The following MUC4 variants were observed in gnomAD, a reference collection of about 807,000 sequenced individuals.
MUC4 encodes mucin-4.
In MUC4, 202 loss-of-function variants were observed where a neutral mutation model predicts 257.9. The ratio of observed to expected loss-of-function variants is 0.78; its 90% CI spans 0.70 to 0.88. MUC4 has a LOEUF of 0.88. Ranked by LOEUF, MUC4 falls within the 40% of genes least tolerant of loss-of-function variation. The probability of loss-of-function intolerance (pLI) is 0.00; values close to 1 mark genes in which losing one functional copy is unlikely to be tolerated. For missense variants in MUC4, 5,976 were observed against 6,513.7 expected, an observed-to-expected ratio of 0.92 and a Z score of 2.84; for synonymous variants, 2,351 against 2,757.1, an observed-to-expected ratio of 0.85 and a Z score of 4.62.
chr3:195,796,783 A>C (rs906456066), intron 1 of MUC4, among the ~76,000 whole-genome samples: 7 of 152,246 alleles, frequency 4.6e-5, no homozygotes, highest in African/African-American at 1.7e-4. Context: ...AGGAACAGGT[A>C]ATTTCAATTC....
rs150394536 is a variant in MUC4 at position 195,779,374 on chromosome 3, C to T, written c.12206G>A (p.Ser4069Asn). The part of the protein sequence containing the change: ...TGHATPLHVT[S>N]PSSASRGDTS... ...GTCACCTCTGGATGCTGAGGAAGGG[C>T]TGGTGACATGAAGAGGGGTGGCGTG... Residue 4069 changes from serine to asparagine, a missense_variant, in exon 2 of 25, where the codon AGC becomes AAC. Ser to Asn is a conservative substitution (Grantham distance 46). Coordinates refer to ENST00000463781, the MANE Select transcript of MUC4 (RefSeq NM_018406.7). The T allele has an allele frequency of 1.2e-3, 1,030 of 866,842 alleles. 350 individuals carry two copies. The highest frequency in any genetic ancestry group is 4.0e-3 in the South Asian group (224 of 55,996). The allele number at this position is 866,842 out of a possible 1,614,324, so 53.7% of individuals were successfully genotyped here. A position where few individuals can be genotyped will look rare whatever the true frequency, so the allele number is the denominator to read the frequency against.
chr3:195,780,833 T>A lies in MUC4; in HGVS notation c.10747A>T (p.Thr3583Ser). The A allele has an allele frequency of 7.6e-7, 1 of 1,318,360 alleles. No homozygotes were observed. The highest frequency in any genetic ancestry group is 2.6e-5 in the East Asian group (1 of 38,774). The allele number at this position is 1,318,360 out of a possible 1,614,324, so 81.7% of individuals were successfully genotyped here. A position where few individuals can be genotyped will look rare whatever the true frequency, so the allele number is the denominator to read the frequency against. The change falls in exon 2 of 25, where the codon ACC becomes TCC. Residue 3583 changes from threonine to serine, a missense_variant. This residue lies in a region of MUC4 where 59 missense variants were observed against 149.8 expected (regional missense o/e 0.39). Coordinates refer to ENST00000463781, the MANE Select transcript of MUC4 (RefSeq NM_018406.7). ...SLSSVSTGDT[T>S]PLLVTDASSV... ...GAAGCGTCGGTGACAAGAAGAGGGG[T>A]GGTGTCACCTGTGGATACTGAGGAA...
rs758560161 is a variant in MUC4 at position 195,786,678 on chromosome 3, A to T, written c.4902T>A (p.Pro1634=). 6.5e-7 allele frequency: 1 copy of T among 1,537,604 alleles called. No individual in the cohort carries two copies. Among genetic ancestry groups the T allele is most frequent in the Non-Finnish European group, 8.8e-7 (1 of 1,138,472 alleles). The change falls in exon 2 of 25, where the codon CCT becomes CCA. Residue 1634 remains proline (P), a synonymous_variant. Coordinates refer to ENST00000463781, the MANE Select transcript of MUC4 (RefSeq NM_018406.7). ...TGGATAATGAGGAAGCATTGGTGAC[A>T]GGAAGAGGGGTGGTGTCACCTGTGG... ...SASTGDTTPL[P]VTNASSLSTG...
At chr3:195,792,803 GA>G (rs1297291700) in intron 1 of MUC4, among the ~76,000 whole-genome samples, 1 of 152,218 alleles carries the variant, frequency 6.6e-6, no homozygotes, top group Non-Finnish European at 1.5e-5. Flanking sequence ...ATGCAGCCAT[GA>G]AAAAGGAATG....
Position 195,766,677 on chromosome 3 carries a change from A to C in MUC4, c.13604T>G (p.Leu4535Arg), listed in dbSNP as rs112080314. 6.2e-7 allele frequency: 1 copy of C among 1,614,186 alleles called. No homozygotes were observed. The highest frequency in any genetic ancestry group is 1.1e-5 in the South Asian group (1 of 91,084). The change falls in exon 8 of 25, where the codon CTG (leucine) becomes CGG (arginine). Residue 4535 changes from leucine (L) to arginine (R), a missense_variant. Physicochemically the swap from Leu to Arg is moderately radical, Grantham distance 102 (BLOSUM62 -2). Coordinates refer to ENST00000463781, the MANE Select transcript of MUC4 (RefSeq NM_018406.7). Reference protein sequence around the residue: ...VWERYRPDRFLNSNSGLQGLQ... With the variant: ...VWERYRPDRFRNSNSGLQGLQ... ...GGCACTTTTACCTGAGTTGGAATTC[A>C]GGAATCTATCAGGGCGATACCTCTC...
rs1319704104 is a variant in MUC4, at chr3:195,757,231, C to A, written c.15084G>T (p.Gln5028His). The change falls in exon 18 of 25, where the codon CAG (glutamine) becomes CAT (histidine). Residue 5028 changes from glutamine to histidine, a missense_variant. Transcript: ENST00000463781. This position sits in a 1 kb window ranked among gnomAD's most constrained non-coding sequence, Gnocchi z 4.8. ...SAKIGLASALQPRTVVCHCNA... is the reference protein window; with the variant it reads ...SAKIGLASALHPRTVVCHCNA... Reference sequence around the variant, plus strand: ...TGCAATGGCAGACCACAGTCCTGGGCTGGAGTGCAGATGCCAAGCCAATCT... The same window carrying A: ...TGCAATGGCAGACCACAGTCCTGGGATGGAGTGCAGATGCCAAGCCAATCT... 1 of 1,613,778 alleles carries A rather than the reference C, an allele frequency of 6.2e-7. No homozygotes were observed.
intron 12 of MUC4, 145 bp downstream of exon 12, chr3:195,763,288 G>A (rs549358614): frequency 2.4e-6 from 2 of 850,686 alleles, no homozygotes; most frequent in South Asian, 2.4e-5. Context: ...GATTTACTCC[G>A]GGACAGCTGC....
chr3:195,748,434 C>A (rs1479752991), intron 24 of MUC4, among the ~76,000 whole-genome samples: 6 of 152,226 alleles, frequency 3.9e-5, no homozygotes, highest in Non-Finnish European at 8.8e-5. Context: ...CGTGGTGGTG[C>A]ATGCCTGTAG....
chr3:195,750,342 T>A (rs1336369700), intron 23 of MUC4: 1 of 106,164 alleles, frequency 9.4e-6, no homozygotes, highest in Non-Finnish European at 1.9e-5. Context: ...CTCGGGGAGG[T>A]GCTGGGGGGT....
chr3:195,781,673 A>T lies in MUC4; in HGVS notation c.9907T>A (p.Ser3303Thr), dbSNP rs767226330. The stretch of plus-strand genomic sequence containing the variant: ...GTGGCGTGACCTGTGGATACTGAGG[A>T]AGTCTCGGTGACAAGAAGAGGGGTG... ...DTTPLLVTET[S>T]SVSTGHATPL... Residue 3303 changes from serine to threonine, a missense_variant, in exon 2 of 25, where the codon TCC becomes ACC. By Grantham distance (58) the Ser-to-Thr change is moderately conservative. Around this residue, in one of 44 missense-constraint regions of MUC4, gnomAD observed 51 missense variants for 66.9 expected, o/e 0.76. Transcript: ENST00000463781. The T allele has an allele frequency of 5.4e-5, 64 of 1,181,458 alleles. 1 individual carries two copies. The highest frequency in any genetic ancestry group is 1.4e-4 in the Admixed American group (5 of 36,360). 73.2% of individuals were successfully genotyped at this position (1,181,458 alleles called of 1,614,324 possible). A position where few individuals can be genotyped will look rare whatever the true frequency, so the allele number is the denominator to read the frequency against.
rs2148797566 is a variant in MUC4 at position 195,761,072 on chromosome 3, A to G, written c.14660T>C (p.Leu4887Pro). The G allele has an allele frequency of 1.2e-6, 2 of 1,614,208 alleles. No individual in the cohort carries two copies. The highest frequency in any genetic ancestry group is 2.2e-5 in the South Asian group (2 of 91,084). The part of the protein sequence containing the change: ...TGLLGKRNDQ[L>P]PSNFTPVFYS... The stretch of plus-strand genomic sequence containing the variant: ...GAAAACAGGGGTGAAGTTGGAAGGC[A>G]GCTGGTCATTCCTCTTGCCAAGGAG... Residue 4887 changes from leucine (L) to proline (P), a missense_variant, in exon 16 of 25, where the codon CTG becomes CCG. Physicochemically the swap from Leu to Pro is moderately conservative, Grantham distance 98. This residue lies in a region of MUC4 where 996 missense variants were observed against 1,137.3 expected (regional missense o/e 0.88). Coordinates refer to ENST00000463781, the MANE Select transcript of MUC4 (RefSeq NM_018406.7).
intron 1 of MUC4, among the ~76,000 whole-genome samples, chr3:195,811,191 T>A (rs1381573922): frequency 6.7e-6 from 1 of 149,286 alleles, no homozygotes; most frequent in Non-Finnish European, 1.5e-5. Context: ...TTATTTATTT[T>A]GAGACAGAGT....
rs149712073 is a variant in MUC4, at chr3:195,799,717, C to T, written c.83-8220G>A. On this transcript the variant is annotated intron_variant, in intron 1 of 24. Transcript: ENST00000463781. ...TAAATAAAGCCCTGATGACTATCTT[C>T]GTGTCTAATGTTTTGTTTACATTAT... 7.5e-4 allele frequency among the ~76,000 whole-genome samples: 114 copies of T among 152,280 alleles called. 1 individual carries two copies. Among genetic ancestry groups the T allele is most frequent in the African/African-American group, 2.5e-3 (105 of 41,564 alleles).
chr3:195,755,144 G>A lies in MUC4; in HGVS notation c.15169-772C>T, dbSNP rs1234276404. ...CCATCCTCCCACCTCAGCCTCCCGA[G>A]GAGCTGGGGCTACAGGCATGCACCA... On this transcript the variant is annotated intron_variant, in intron 18 of 24. Coordinates refer to ENST00000463781, the MANE Select transcript of MUC4 (RefSeq NM_018406.7). The surrounding 1 kb of genome is among the most constrained non-coding windows in gnomAD (Gnocchi z 5.0). 1.3e-5 allele frequency among the ~76,000 whole-genome samples: 2 copies of A among 151,696 alleles called. No homozygotes were observed. The highest frequency in any genetic ancestry group is 2.9e-5 in the Non-Finnish European group (2 of 67,934).
rs199704055 is a variant in MUC4, at chr3:195,783,098, C to T, written c.8482G>A (p.Gly2828Ser). Residue 2828 changes from glycine (G) to serine (S), a missense_variant, in exon 2 of 25, where the codon GGT (glycine) becomes AGT (serine). Physicochemically the swap from Gly to Ser is moderately conservative, Grantham distance 56 (BLOSUM62 0). Around this residue, in one of 44 missense-constraint regions of MUC4, gnomAD observed 228 missense variants for 206.3 expected, o/e 1.11. Transcript: ENST00000463781. ...PVTDASSVFT[G>S]HATSLPVTIP... is the part of the protein sequence containing the mutation. Reference sequence around the variant, plus strand: ...GTGACAGGAAGAGAGGTGGCATGACCTGTGAACACTGAGGAAGCGTCGGTG... The same window carrying T: ...GTGACAGGAAGAGAGGTGGCATGACTTGTGAACACTGAGGAAGCGTCGGTG... 8.7e-5 allele frequency: 61 copies of T among 704,076 alleles called. No individual in the cohort carries two copies. The African/African-American group carries it at 1.1e-3, about 13-fold the overall frequency. The allele number at this position is 704,076 out of a possible 1,614,324, so 43.6% of individuals were successfully genotyped here.
At chr3:195,748,506 G>T (rs1397491218) in intron 24 of MUC4, among the ~76,000 whole-genome samples, 1 of 152,260 alleles carries the variant, frequency 6.6e-6, no homozygotes, top group African/African-American at 2.4e-5. Flanking sequence ...GGACGTTGCA[G>T]TGAGCCGAGA....
intron 1 of MUC4, among the ~76,000 whole-genome samples, chr3:195,799,923 C>A (rs1735083035): frequency 6.6e-6 from 1 of 152,098 alleles, no homozygotes; most frequent in Non-Finnish European, 1.5e-5. Flanking sequence ...AGCCTGTGAA[C>A]AAAGGGGCAT....
At chr3:195,750,503 G>GCCTGTCT (rs1716185003) in intron 23 of MUC4, 1 of 313,768 alleles carries the variant, frequency 3.2e-6, no homozygotes, top group African/African-American at 2.2e-5. Context: ...TCTGTCCCTG[G>GCCTGTCT]CCAGTCTCCA....
chr3:195,749,092 G>A, intron 23 of MUC4, 28 bp from the exon 24 acceptor site: 1 of 1,605,030 alleles, frequency 6.2e-7, no homozygotes, highest in South Asian at 1.1e-5. Context: ...GATTAACACA[G>A]AAAGCAACCG....
Sources: allele counts gnomAD v4.1 joint callset (sites outside exome capture counted in the v4.1 genomes callset), GRCh38; gene constraint gnomAD v4.1.1; regional missense constraint gnomAD v4.1.1; non-coding constraint Gnocchi (gnomAD v3.1); transcripts MANE v1.5; gene names NCBI Gene and HGNC (gene_info 2026-07-23, HGNC 2026-07-21).